Variants in PGM2L1 observed in about 807,000 individuals in gnomAD.
The protein encoded by PGM2L1 is glucose 1,6-bisphosphate synthase.
Under a neutral mutation model 73.4 loss-of-function variants are expected in PGM2L1, and 35 were observed. The ratio of observed to expected loss-of-function variants is 0.48; its 90% CI spans 0.36 to 0.63. PGM2L1 has a LOEUF of 0.63. Among genes scored for constraint, PGM2L1 ranks in the 30% least tolerant of loss-of-function variants. The pLI, the probability that PGM2L1 is intolerant of heterozygous loss-of-function variation, is 0.00. For synonymous variants in PGM2L1, 225 were observed against 253.8 expected, an observed-to-expected ratio of 0.89 and a Z score of 1.08; for missense variants, 570 against 742.0, an observed-to-expected ratio of 0.77 and a Z score of 2.69.
Position 74,336,161 on chromosome 11 carries a change from C to A in PGM2L1, c.*491G>T, listed in dbSNP as rs981377908. 1.2e-4 allele frequency: 19 copies of A among 152,178 alleles called. No homozygotes were observed. The highest frequency in any genetic ancestry group is 3.9e-4 in the African/African-American group (16 of 41,440). The allele number at this position is 152,178 out of a possible 1,614,324, so 9.4% of individuals were successfully genotyped here. A position where few individuals can be genotyped will look rare whatever the true frequency, so the allele number is the denominator to read the frequency against. The stretch of plus-strand genomic sequence containing the variant: ...AAATACTCTAATTTGTAAATTAATA[C>A]CTGTGATGTCACAATGACACTTTTT... On this transcript the variant is annotated 3_prime_UTR_variant, in exon 14 of 14. Coordinates refer to ENST00000298198, the MANE Select transcript of PGM2L1 (RefSeq NM_173582.6).
At chr11:74,389,945 T>TAAAAAAAAAAA (rs1322991811) in intron 1 of PGM2L1, among the ~76,000 whole-genome samples, 1 of 1,604 alleles carries the variant, frequency 6.2e-4, no homozygotes, top group African/African-American at 4.0e-3. Flanking sequence ...CTACTAAAAA[T>TAAAAAAAAAAA]ACAAAAAAAA....
rs765222957 is a variant in PGM2L1 at position 74,374,497 on chromosome 11, G to A, written c.197C>T (p.Thr66Ile). 33 of 1,614,026 alleles carry A rather than the reference G, an allele frequency of 2.0e-5. No individual in the cohort carries two copies. The highest frequency in any genetic ancestry group is 2.7e-5 in the Non-Finnish European group (32 of 1,179,986). Residue 66 changes from threonine (T) to isoleucine (I), a missense_variant, in exon 2 of 14, where the codon ACT becomes ATT. Thr to Ile is a moderately conservative substitution (Grantham distance 89, BLOSUM62 -1). Transcript: ENST00000298198. ...ELRDRLCCRM[T>I]FGTAGLRSAM... is the part of the protein sequence containing the mutation. ...AGAACGAAGTCCTGCAGTCCCAAAA[G>A]TCATTCGGCAACAAAGACGATCTCG...
intron 5 of PGM2L1, among the ~76,000 whole-genome samples, chr11:74,362,686 G>A (rs994998784): frequency 6.6e-5 from 10 of 152,114 alleles, no homozygotes; most frequent in African/African-American, 2.2e-4. Context: ...TCAAAATAAA[G>A]GGATGGAGGA....
At chr11:74,393,016 C>G (rs1006306104) in intron 1 of PGM2L1, among the ~76,000 whole-genome samples, 1 of 152,196 alleles carries the variant, frequency 6.6e-6, no homozygotes, top group East Asian at 1.9e-4. Context: ...TAGCAAGTCA[C>G]TTTTCTTTTA....
At chr11:74,363,684 G>C (rs1862604455) in intron 5 of PGM2L1, among the ~76,000 whole-genome samples, 1 of 152,066 alleles carries the variant, frequency 6.6e-6, no homozygotes, top group Non-Finnish European at 1.5e-5. Context: ...TCCCTGAATA[G>C]ACCAATAACA....
At chr11:74,367,326 T>C (rs1246086755) in intron 5 of PGM2L1, among the ~76,000 whole-genome samples, 2 of 152,170 alleles carry the variant, frequency 1.3e-5, no homozygotes, top group East Asian at 3.9e-4. Context: ...TTCTTGGCTT[T>C]CTTTGACAGT....
intron 1 of PGM2L1, among the ~76,000 whole-genome samples, chr11:74,377,259 C>T (rs1292726815): frequency 1.3e-5 from 2 of 151,862 alleles, no homozygotes; most frequent in African/African-American, 2.4e-5. Context: ...CTCAGCCTCC[C>T]GAGTAGCTGG....
chr11:74,397,238 G>A (rs1430301296), intron 1 of PGM2L1, among the ~76,000 whole-genome samples: 1 of 151,972 alleles, frequency 6.6e-6, no homozygotes, highest in African/African-American at 2.4e-5. Context: ...ATCTTCCTCT[G>A]TTGGAGCTAC....
chr11:74,376,632 T>C (rs961624988), intron 1 of PGM2L1, among the ~76,000 whole-genome samples: 2 of 151,964 alleles, frequency 1.3e-5, no homozygotes, highest in African/African-American at 4.8e-5. Context: ...CACACACATA[T>C]ATAAATGATC....
chr11:74,360,230 A>AAAAAAT (rs1005232807), intron 5 of PGM2L1, among the ~76,000 whole-genome samples: 4 of 151,726 alleles, frequency 2.6e-5, no homozygotes, highest in Non-Finnish European at 4.4e-5. Context: ...ACCTTGTCTT[A>AAAAAAT]AAAAATAAAA....
In PGM2L1 at chr11:74,372,503, TA is replaced by T. The variant is rs370818731; in HGVS notation, c.280-687del. 4.0e-3 allele frequency among the ~76,000 whole-genome samples: 608 copies of T among 152,348 alleles called. 6 individuals carry two copies. Among genetic ancestry groups the T allele is most frequent in the African/African-American group, 0.014 (575 of 41,592 alleles). On this transcript the variant is annotated intron_variant, in intron 2 of 13. Coordinates refer to ENST00000298198, the MANE Select transcript of PGM2L1 (RefSeq NM_173582.6). Reference sequence around the variant, plus strand: ...AATTATTTAACTTTAATAAATACTTTAATATCTAAAAATAACATTTTAACAT... The same window carrying T: ...AATTATTTAACTTTAATAAATACTTTATATCTAAAAATAACATTTTAACAT...
At position 74,370,899 on chromosome 11, in the gene PGM2L1, T is replaced by C. The variant is rs780058732; in HGVS notation, c.471+3A>G. Reference sequence around the variant, plus strand: ...TATATGATCACCAACACAACACACTTACTACAAAAGGTGTAGGAACATATC... The same window carrying C: ...TATATGATCACCAACACAACACACTCACTACAAAAGGTGTAGGAACATATC... On this transcript the variant is annotated splice_donor_region_variant and intron_variant, in intron 4 of 13. Coordinates refer to ENST00000298198, the MANE Select transcript of PGM2L1 (RefSeq NM_173582.6). 13 of 1,602,570 alleles carry C rather than the reference T, an allele frequency of 8.1e-6. No individual in the cohort carries two copies. The highest frequency in any genetic ancestry group is 9.4e-6 in the Non-Finnish European group (11 of 1,170,288).
intron 5 of PGM2L1, among the ~76,000 whole-genome samples, chr11:74,353,653 G>A (rs1862393630): frequency 6.6e-6 from 1 of 151,770 alleles, no homozygotes; most frequent in Non-Finnish European, 1.5e-5. Flanking sequence ...GGGGCTGGGG[G>A]TAAGGCCATA....
chr11:74,354,308 C>A (rs886981996), intron 5 of PGM2L1: 1 of 506,146 alleles, frequency 2.0e-6, no homozygotes, highest in African/African-American at 1.9e-5. Context: ...ATTCATGCAA[C>A]AAAATATGTC....
At chr11:74,350,367 G>A (rs746137011) in intron 6 of PGM2L1, among the ~76,000 whole-genome samples, 1 of 152,104 alleles carries the variant, frequency 6.6e-6, no homozygotes, top group African/African-American at 2.4e-5. Context: ...ATATGGAAAT[G>A]GTTAAGGAAA....
chr11:74,346,197 G>A (rs1862260643), intron 8 of PGM2L1, among the ~76,000 whole-genome samples: 1 of 146,710 alleles, frequency 6.8e-6, no homozygotes, highest in Admixed American at 6.9e-5. Flanking sequence ...CTGGGAGGCA[G>A]AGGCTGCAGT....
chr11:74,384,323 T>G (rs1428274083), intron 1 of PGM2L1, among the ~76,000 whole-genome samples: 1 of 152,144 alleles, frequency 6.6e-6, no homozygotes, highest in Non-Finnish European at 1.5e-5. Context: ...TTTTGTATTA[T>G]TTTCATTTCT....
intron 1 of PGM2L1, among the ~76,000 whole-genome samples, chr11:74,389,933 C>T (rs1224307708): frequency 6.3e-5 from 4 of 63,454 alleles, no homozygotes; most frequent in African/African-American, 3.0e-4. Context: ...GAAACCCCGT[C>T]CCTACTAAAA....
Position 74,333,111 on chromosome 11 carries a change from T to C in PGM2L1, c.*3541A>G. 1 of 152,024 alleles carries C rather than the reference T, an allele frequency of 6.6e-6. No individual in the cohort carries two copies. The highest frequency in any genetic ancestry group is 1.5e-5 in the Non-Finnish European group (1 of 67,950). 9.4% of individuals were successfully genotyped at this position (152,024 alleles called of 1,614,324 possible). A position where few individuals can be genotyped will look rare whatever the true frequency, so the allele number is the denominator to read the frequency against. On this transcript the variant is annotated 3_prime_UTR_variant, in exon 14 of 14. Transcript: ENST00000298198. Reference sequence around the variant, plus strand: ...ACATTTTTGTTCTAACCTGAGTTTTTAAAAAAAATGTGCTGGAAAGAAGGA... The same window carrying C: ...ACATTTTTGTTCTAACCTGAGTTTTCAAAAAAAATGTGCTGGAAAGAAGGA...
Sources: allele counts gnomAD v4.1 joint callset (sites outside exome capture counted in the v4.1 genomes callset), GRCh38; gene constraint gnomAD v4.1.1; transcripts MANE v1.5; gene names NCBI Gene and HGNC (gene_info 2026-07-23, HGNC 2026-07-21).